The following KEAP1 variants were observed in gnomAD, a reference collection of about 807,000 sequenced individuals.
KEAP1 encodes kelch like ECH associated protein 1.
Under a neutral mutation model 59.7 loss-of-function variants are expected in KEAP1, and 26 were observed. That is an observed-to-expected ratio of 0.44 (90% CI 0.32 to 0.60). The LOEUF (loss-of-function observed/expected upper bound fraction) is 0.60. Ranked by LOEUF, KEAP1 falls within the 20% of genes least tolerant of loss-of-function variation. KEAP1 has a pLI of 0.06. For synonymous variants in KEAP1, 350 were observed against 358.3 expected (o/e 0.98, Z 0.26); for missense variants, 539 against 871.4 (o/e 0.62, Z 4.80).
At position 10,491,688 on chromosome 19, in the gene KEAP1, G is replaced by GA; in HGVS notation, c.1213_1214insT (p.Pro405LeufsTer10). On this transcript the variant is annotated frameshift_variant, in exon 3 of 6. Coordinates refer to ENST00000171111, the MANE Select transcript of KEAP1 (RefSeq NM_203500.2). LOFTEE classifies it high-confidence loss of function. This position sits in a 1 kb window ranked among gnomAD's most constrained non-coding sequence, Gnocchi z 5.2. ...ACGGGGCACGCTCATGGGGGCGCAG[G>GA]GCGACCACTGATTGGTCATGGGGTT... The GA allele has an allele frequency of 6.4e-7, 1 of 1,574,122 alleles. No homozygotes were observed. The highest frequency in any genetic ancestry group is 8.6e-7 in the Non-Finnish European group (1 of 1,160,896).
intron 2 of KEAP1, among the ~76,000 whole-genome samples, chr19:10,495,860 G>C (rs1364836721): frequency 6.6e-6 from 1 of 152,106 alleles, no homozygotes. Context: ...TCAAAGTAAG[G>C]CTACTTCTAG....
At chr19:10,500,367 C>T (rs530968726) in intron 1 of KEAP1, among the ~76,000 whole-genome samples, 60 of 152,292 alleles carry the variant, frequency 3.9e-4, no homozygotes, top group African/African-American at 1.2e-3. Flanking sequence ...CAAAGCCCTA[C>T]GCAATTAGCC....
rs1914467456 is a variant in KEAP1, at chr19:10,486,561, C to T, written c.*91G>A. On this transcript the variant is annotated 3_prime_UTR_variant, in exon 6 of 6. Transcript: ENST00000171111. ...CCCTTCCCGGAAGATGGGTTATTTG[C>T]AGTGCTGTCTTTTCTTTTAGTCCCG... 3 of 1,260,806 alleles carry T rather than the reference C, an allele frequency of 2.4e-6. No homozygotes were observed. The highest frequency in any genetic ancestry group is 2.3e-6 in the Non-Finnish European group (2 of 888,520). 78.1% of individuals were successfully genotyped at this position (1,260,806 alleles called of 1,614,324 possible). A position where few individuals can be genotyped will look rare whatever the true frequency, so the allele number is the denominator to read the frequency against.
chr19:10,490,745 A>C (rs1212568296), intron 3 of KEAP1: 1 of 152,148 alleles, frequency 6.6e-6, no homozygotes, highest in Non-Finnish European at 1.5e-5. Context: ...CCAAGGATTG[A>C]GGTATCAGCA....
chr19:10,500,004 A>G lies in KEAP1; in HGVS notation c.30T>C (p.Ala10=), dbSNP rs754101689. The change falls in exon 2 of 6, where the codon GCT becomes GCC. Residue 10 remains alanine (A), a synonymous_variant. Coordinates refer to ENST00000171111, the MANE Select transcript of KEAP1 (RefSeq NM_203500.2). ...GGGGCAGGAATCGGCAGCAGGCCCC[A>G]GCCCCGCTAGGCCTGGGATCTGGCT... The part of the protein sequence containing the change: MQPDPRPSG[A]GACCRFLPLQ... 6.4e-7 allele frequency: 1 copy of G among 1,569,702 alleles called. No individual in the cohort carries two copies. Among genetic ancestry groups the G allele is most frequent in the Admixed American group, 1.8e-5 (1 of 56,490 alleles).
chr19:10,486,587 G>A lies in KEAP1; in HGVS notation c.*65C>T, dbSNP rs188693400. 2.8e-5 allele frequency: 42 copies of A among 1,503,162 alleles called. No homozygotes were observed. In the African/African-American group the frequency reaches 4.6e-4, roughly 16 times the overall value. 93.1% of individuals were successfully genotyped at this position (1,503,162 alleles called of 1,614,324 possible). A position where few individuals can be genotyped will look rare whatever the true frequency, so the allele number is the denominator to read the frequency against. Reference sequence around the variant, plus strand: ...AGTGCTGTCTTTTCTTTTAGTCCCGGTTTTTGTACAAAAACAATGATACTC... The same window carrying A: ...AGTGCTGTCTTTTCTTTTAGTCCCGATTTTTGTACAAAAACAATGATACTC... On this transcript the variant is annotated 3_prime_UTR_variant, in exon 6 of 6. Transcript: ENST00000171111.
rs375527160 is a variant in KEAP1, at chr19:10,493,363, C to T, written c.640-1101G>A. On this transcript the variant is annotated intron_variant, in intron 2 of 5. Transcript: ENST00000171111. ...TTTTTTAGTAGAGATGGGGTTTCAC[C>T]GTGTTAGCCAGGATGGTCTCGATCT... is the stretch of plus-strand genomic sequence containing the variant. Among the ~76,000 whole-genome samples, 98 of 151,778 alleles carry T rather than the reference C, an allele frequency of 6.5e-4. No individual in the cohort carries two copies. In the East Asian group the frequency reaches 0.011, roughly 17 times the overall value.
chr19:10,490,661 C>T (rs752649104), intron 3 of KEAP1: 1 of 152,200 alleles, frequency 6.6e-6, no homozygotes, highest in South Asian at 2.1e-4. Context: ...GGCTCAGCCT[C>T]CTGAGTAGCT....
intron 2 of KEAP1, chr19:10,492,500 C>T: frequency 2.0e-6 from 1 of 506,892 alleles, no homozygotes; most frequent in South Asian, 2.1e-5. Context: ...TGGCGGATCA[C>T]GAGGTCAGGA....
chr19:10,500,029 T>C lies in KEAP1; in HGVS notation c.5A>G (p.Gln2Arg), dbSNP rs2144631773. 1 of 1,542,548 alleles carries C rather than the reference T, an allele frequency of 6.5e-7. No individual in the cohort carries two copies. Among genetic ancestry groups the C allele is most frequent in the Middle Eastern group, 1.8e-4 (1 of 5,498 alleles). Residue 2 changes from glutamine to arginine, a missense_variant, in exon 2 of 6, where the codon CAG (glutamine) becomes CGG (arginine). By Grantham distance (43) the Gln-to-Arg change is conservative (BLOSUM62 1). Transcript: ENST00000171111. ...AGCCCCGCTAGGCCTGGGATCTGGCTGCATGGGGTTCCAGAAGATAAGCAA... is the reference window on the plus strand; with the variant it reads ...AGCCCCGCTAGGCCTGGGATCTGGCCGCATGGGGTTCCAGAAGATAAGCAA... M[Q>R]PDPRPSGAGA...
chr19:10,489,143 C>CCA (rs1294482434), intron 5 of KEAP1, 49 bp downstream of exon 5: 1 of 1,305,918 alleles, frequency 7.7e-7, no homozygotes, highest in East Asian at 2.4e-5. Context: ...CAAAAGCAGT[C>CCA]CACAAAAGAT....
At position 10,489,651 on chromosome 19, in the gene KEAP1, C is replaced by T. The variant is rs762974759; in HGVS notation, c.1528G>A (p.Ala510Thr). ...ITAMNTIRSG[A>T]GVCVLHNCIY... Reference sequence around the variant, plus strand: ...CCTCCCTACCGTCCCCACCCACCTGCCCCGCTTCGGATGGTGTTCATTGCT... The same window carrying T: ...CCTCCCTACCGTCCCCACCCACCTGTCCCGCTTCGGATGGTGTTCATTGCT... The change falls in exon 4 of 6, where the codon GCA becomes ACA. Residue 510 changes from alanine to threonine, a missense_variant. Ala to Thr is a moderately conservative substitution (Grantham distance 58, BLOSUM62 0). This residue lies in a region of KEAP1 where 311 missense variants were observed against 425.2 expected (regional missense o/e 0.73). Transcript: ENST00000171111. 2 of 1,613,844 alleles carry T rather than the reference C, an allele frequency of 1.2e-6. No individual in the cohort carries two copies. Among genetic ancestry groups the T allele is most frequent in the Admixed American group, 1.7e-5 (1 of 59,998 alleles).
rs2144602495 is a variant in KEAP1 at position 10,492,024 on chromosome 19, G to A, written c.878C>T (p.Ser293Phe). 2 of 1,614,052 alleles carry A rather than the reference G, an allele frequency of 1.2e-6. No homozygotes were observed. Among genetic ancestry groups the A allele is most frequent in the Non-Finnish European group, 1.7e-6 (2 of 1,180,044 alleles). Residue 293 changes from serine to phenylalanine, a missense_variant, in exon 3 of 6, where the codon TCC becomes TTC. By Grantham distance (155) the Ser-to-Phe change is radical. Coordinates refer to ENST00000171111, the MANE Select transcript of KEAP1 (RefSeq NM_203500.2). ...CAGGTAGTCCTTGCAGCGGGAGTCG[G>A]ACTGCAGGATCTCGCACTTCTGCAG... ...MQLQKCEILQSDSRCKDYLVK... is the reference protein window; with the variant it reads ...MQLQKCEILQFDSRCKDYLVK...
In KEAP1 at chr19:10,489,208, C is replaced by T. The variant is rs762342798; in HGVS notation, c.1692G>A (p.Gly564=). 5.6e-6 allele frequency: 9 copies of T among 1,612,128 alleles called. No individual in the cohort carries two copies. Among genetic ancestry groups the T allele is most frequent in the South Asian group, 3.3e-5 (3 of 90,972 alleles). ...GGGCCTCACCAAGGACGTAGATTCT[C>T]CCCTGGTGGACAGTGATCCCCAGGG... ...RSALGITVHQ[G]RIYVLGGYDG... Residue 564 remains glycine (G), a synonymous_variant, in exon 5 of 6, where the codon GGG becomes GGA. Transcript: ENST00000171111.
intron 2 of KEAP1, among the ~76,000 whole-genome samples, chr19:10,495,061 T>A (rs1390137598): frequency 6.6e-6 from 1 of 151,568 alleles, no homozygotes; most frequent in Admixed American, 6.6e-5. Flanking sequence ...GTTCAAATGA[T>A]TCTTCTGCCT....
chr19:10,487,919 A>G (rs1470559178), intron 5 of KEAP1, among the ~76,000 whole-genome samples: 1 of 152,078 alleles, frequency 6.6e-6, no homozygotes, highest in African/African-American at 2.4e-5. Context: ...ACCTGAGGTC[A>G]GGAGTTCGAG....
At chr19:10,493,675 C>A (rs1012362757) in intron 2 of KEAP1, among the ~76,000 whole-genome samples, 32 of 151,110 alleles carry the variant, frequency 2.1e-4, no homozygotes, top group African/African-American at 7.3e-4. Flanking sequence ...CATTCTCCTG[C>A]CTCAGCCTCC....
Position 10,493,625 on chromosome 19 carries a change from T to G in KEAP1, c.640-1363A>C, listed in dbSNP as rs1334329903. On this transcript the variant is annotated intron_variant, in intron 2 of 5. Coordinates refer to ENST00000171111, the MANE Select transcript of KEAP1 (RefSeq NM_203500.2). ...TGCCCAGGCCGGACTGCAGTGGCGC[T>G]ATCTCGGCTCACTGCAAGCTCCACC... 6.6e-5 allele frequency among the ~76,000 whole-genome samples: 9 copies of G among 136,318 alleles called. No homozygotes were observed. In the East Asian group the frequency reaches 9.3e-4, roughly 14 times the overall value. 89.4% of individuals were successfully genotyped at this position (136,318 alleles called of 152,430 possible).
chr19:10,502,343 TC>T lies in KEAP1; in HGVS notation c.-48+897del, dbSNP rs1915070149. On this transcript the variant is annotated intron_variant, in intron 1 of 5. Coordinates refer to ENST00000171111, the MANE Select transcript of KEAP1 (RefSeq NM_203500.2). This position sits in a 1 kb window ranked among gnomAD's most constrained non-coding sequence, Gnocchi z 4.0. ...GCAAGTGGGCGACTGCGCATGCCCC[TC>T]CTGAGCCTCCACCAGGCCCAGTGAG... is the stretch of plus-strand genomic sequence containing the variant. The T allele has an allele frequency of 6.6e-6, 1 of 152,142 alleles. No homozygotes were observed. The highest frequency in any genetic ancestry group is 2.4e-5 in the African/African-American group (1 of 41,388). 9.4% of individuals were successfully genotyped at this position (152,142 alleles called of 1,614,324 possible).
Sources: gnomAD v4.1 joint callset for allele counts (sites outside exome capture counted in the v4.1 genomes callset) on GRCh38, gnomAD v4.1.1 for gene constraint, gnomAD v4.1.1 regional missense constraint, Gnocchi (gnomAD v3.1) non-coding constraint, MANE v1.5 for transcripts, NCBI Gene and HGNC (gene_info 2026-07-23, HGNC 2026-07-21) for gene names.